The following GSTA4 variants were observed in gnomAD, a reference collection of about 807,000 sequenced individuals.
GSTA4 encodes glutathione S-transferase alpha 4, also known as glutathione S-transferase A4.
In GSTA4, 15 loss-of-function variants were observed where a neutral mutation model predicts 24.4. That is an observed-to-expected ratio of 0.61 (90% CI 0.41 to 0.95). GSTA4 has a LOEUF of 0.95. Among genes scored for constraint, GSTA4 ranks in the 40% least tolerant of loss-of-function variants. The pLI is 0.00. For missense variants in GSTA4, 244 were observed against 262.1 expected (o/e 0.93, Z 0.48); for synonymous variants, 92 against 94.2 (o/e 0.98, Z 0.13).
At chr6:52,994,086 A>C in intron 2 of GSTA4, 71 bp downstream of exon 2, 1 of 1,042,306 alleles carries the variant, frequency 9.6e-7, no homozygotes, top group Non-Finnish European at 1.5e-6. Context: ...ACGGTGCTTC[A>C]AAACGTATTT....
intron 2 of GSTA4, among the ~76,000 whole-genome samples, chr6:52,991,352 G>A (rs56174904): frequency 6.6e-6 from 1 of 152,190 alleles, no homozygotes; most frequent in Admixed American, 6.5e-5. Flanking sequence ...GAATATGGGA[G>A]AAACTATAAT....
rs374269854 is a variant in GSTA4 at position 52,987,141 on chromosome 6, A to G, written c.139+216T>C. Among the ~76,000 whole-genome samples, 12 of 152,238 alleles carry G rather than the reference A, an allele frequency of 7.9e-5. No homozygotes were observed. The East Asian group carries it at 1.9e-3, about 25-fold the overall frequency. On this transcript the variant is annotated intron_variant, in intron 3 of 6. Transcript: ENST00000370963. ...AGAGGAGCTGTTCACCGGGATGTGG[A>G]AGGAACTGCTCACCCCCTTCGGCCA...
intron 2 of GSTA4, chr6:52,993,878 A>C (rs776908816): frequency 4.2e-6 from 2 of 475,450 alleles, no homozygotes; most frequent in Non-Finnish European, 3.9e-6. Context: ...AGTAACTGAC[A>C]ATTTTCAGGT....
chr6:52,985,261 T>A (rs75466074), intron 4 of GSTA4, among the ~76,000 whole-genome samples, 190 bp downstream of exon 4: 7,062 of 152,326 alleles, frequency 0.046, 228 homozygotes, highest in Non-Finnish European at 0.067. Flanking sequence ...ATCTGAATCC[T>A]ATTCTTTTGT....
intron 3 of GSTA4, among the ~76,000 whole-genome samples, chr6:52,986,726 C>G (rs1416648112): frequency 6.6e-6 from 1 of 152,164 alleles, no homozygotes; most frequent in African/African-American, 2.4e-5. Flanking sequence ...CCTTACAGCC[C>G]TGGAGAGCCG....
At chr6:52,988,408 T>C (rs1054535916) in intron 2 of GSTA4, among the ~76,000 whole-genome samples, 1 of 152,188 alleles carries the variant, frequency 6.6e-6, no homozygotes, top group African/African-American at 2.4e-5. Context: ...TCTCACCCTC[T>C]GTCTAACCAA....
At chr6:52,978,700 T>G (rs1174974107) in intron 6 of GSTA4, 108 bp from the exon 7 acceptor site, 5 of 682,984 alleles carry the variant, frequency 7.3e-6, no homozygotes, top group Admixed American at 3.1e-5. Context: ...AAATACTTGT[T>G]GAAGAGTTCC....
At chr6:52,987,251 C>T in intron 3 of GSTA4, 106 bp downstream of exon 3, 1 of 716,784 alleles carries the variant, frequency 1.4e-6, no homozygotes, top group Middle Eastern at 2.5e-4. Flanking sequence ...TTTTAGGATA[C>T]TGTTCTGAAT....
At chr6:52,979,443 C>T (rs138688622) in intron 6 of GSTA4, among the ~76,000 whole-genome samples, 6 of 152,248 alleles carry the variant, frequency 3.9e-5, no homozygotes, top group Non-Finnish European at 7.4e-5. Context: ...TTTTCATAGC[C>T]TCTGGCTCAG....
At chr6:52,986,075 AT>A (rs1221669687) in intron 3 of GSTA4, among the ~76,000 whole-genome samples, 1 of 152,152 alleles carries the variant, frequency 6.6e-6, no homozygotes, top group East Asian at 1.9e-4. Flanking sequence ...GAAAACTAGC[AT>A]TGTTATAAAC....
chr6:52,980,303 T>C (rs1378636806), intron 6 of GSTA4, among the ~76,000 whole-genome samples: 1 of 108,814 alleles, frequency 9.2e-6, no homozygotes, highest in Non-Finnish European at 2.0e-5. Flanking sequence ...CTGGAAAGAT[T>C]TCACTTTGTT....
intron 6 of GSTA4, 107 bp downstream of exon 6, chr6:52,982,467 A>C: frequency 1.6e-6 from 1 of 622,156 alleles, no homozygotes; most frequent in South Asian, 2.5e-5. Flanking sequence ...TCTTAAAAAT[A>C]TTACACATAC....
chr6:52,989,394 G>C (rs973281270), intron 2 of GSTA4, among the ~76,000 whole-genome samples: 7 of 152,172 alleles, frequency 4.6e-5, no homozygotes, highest in African/African-American at 1.7e-4. Flanking sequence ...CCCTCGGTTG[G>C]GGTCTGGATC....
At chr6:52,990,471 T>C (rs1763642292) in intron 2 of GSTA4, among the ~76,000 whole-genome samples, 1 of 152,192 alleles carries the variant, frequency 6.6e-6, no homozygotes. Context: ...GAGACCAATC[T>C]AGCTTCATCC....
intron 3 of GSTA4, 113 bp from the exon 4 acceptor site, chr6:52,985,696 T>G: frequency 9.3e-7 from 1 of 1,077,944 alleles, no homozygotes; most frequent in Non-Finnish European, 1.4e-6. Flanking sequence ...TAGGAAATAG[T>G]GTAAAGCTTC....
At position 52,982,499 on chromosome 6, in the gene GSTA4, A is replaced by G. The variant is rs1030512618; in HGVS notation, c.546+75T>C. On this transcript the variant is annotated intron_variant, in intron 6 of 6. Coordinates refer to ENST00000370963, the MANE Select transcript of GSTA4 (RefSeq NM_001512.4). ...ATACACACACACACACACTCCCCAA[A>G]GCCAACCAAACAATAGACACTGAAG... 5.3e-6 allele frequency: 6 copies of G among 1,123,676 alleles called. No homozygotes were observed. In the African/African-American group the frequency reaches 6.3e-5, roughly 12 times the overall value. The allele number at this position is 1,123,676 out of a possible 1,614,324, so 69.6% of individuals were successfully genotyped here.
intron 2 of GSTA4, among the ~76,000 whole-genome samples, chr6:52,993,108 A>C (rs1301214187): frequency 6.6e-6 from 1 of 152,208 alleles, no homozygotes; most frequent in Non-Finnish European, 1.5e-5. Flanking sequence ...GTCAAAAAAA[A>C]ACCCAGAACA....
chr6:52,992,204 GA>G (rs1490827483), intron 2 of GSTA4, among the ~76,000 whole-genome samples: 3 of 152,188 alleles, frequency 2.0e-5, no homozygotes, highest in Admixed American at 2.0e-4. Flanking sequence ...AGGTAAACCT[GA>G]AAGAGCACCA....
chr6:52,992,128 G>A (rs1349265929), intron 2 of GSTA4, among the ~76,000 whole-genome samples: 5 of 151,960 alleles, frequency 3.3e-5, no homozygotes, highest in Admixed American at 3.3e-4. Context: ...TACAAGATGA[G>A]CACAGAGCAT....
Sources: allele counts gnomAD v4.1 joint callset (sites outside exome capture counted in the v4.1 genomes callset), GRCh38; gene constraint gnomAD v4.1.1; transcripts MANE v1.5; gene names NCBI Gene and HGNC (gene_info 2026-07-23, HGNC 2026-07-21).